Variants in STK32B observed in about 807,000 individuals in gnomAD.
The protein encoded by STK32B is serine/threonine-protein kinase 32B.
A neutral mutation model predicts 52.6 loss-of-function variants in STK32B; 43 were observed. That is an observed-to-expected ratio of 0.82 (90% CI 0.64 to 1.05). The LOEUF is 1.05. Ranked by LOEUF, STK32B falls within the 50% of genes least tolerant of loss-of-function variation. STK32B has a pLI of 0.00. For synonymous variants in STK32B, 238 were observed against 204.3 expected, an observed-to-expected ratio of 1.17 and a Z score of -1.41; for missense variants, 621 against 534.6, an observed-to-expected ratio of 1.16 and a Z score of -1.59.
intron 1 of STK32B, among the ~76,000 whole-genome samples, chr4:5,110,844 A>C (rs1714365998): frequency 1.3e-5 from 2 of 152,300 alleles, no homozygotes; most frequent in East Asian, 3.9e-4. Context: ...AATGGGAGAA[A>C]ATATTTACAA....
At chr4:5,102,170 C>T (rs1713821989) in intron 1 of STK32B, among the ~76,000 whole-genome samples, 1 of 152,216 alleles carries the variant, frequency 6.6e-6, no homozygotes, top group Admixed American at 6.5e-5. Flanking sequence ...TACTTCACAT[C>T]ACCGTGCCTC....
rs1733618954 is a variant in STK32B, at chr4:5,348,563, AC to A, written c.434+17171del. 1.3e-5 allele frequency among the ~76,000 whole-genome samples: 2 copies of A among 152,124 alleles called. 1 individual carries two copies. The highest frequency in any genetic ancestry group is 1.3e-4 in the Admixed American group (2 of 15,274). On this transcript the variant is annotated intron_variant, in intron 4 of 11. Coordinates refer to ENST00000282908, the MANE Select transcript of STK32B (RefSeq NM_018401.3). ...GTGCTGTGAGGACAAATTCCCACCCACTGCTGCAGGGTGCTGTGGGGCTGAA... is the reference window on the plus strand; with the variant it reads ...GTGCTGTGAGGACAAATTCCCACCCATGCTGCAGGGTGCTGTGGGGCTGAA...
At chr4:5,336,055 G>A (rs992386652) in intron 4 of STK32B, among the ~76,000 whole-genome samples, 3 of 150,288 alleles carry the variant, frequency 2.0e-5, no homozygotes, top group African/African-American at 7.4e-5. Flanking sequence ...AGGGTAAAAT[G>A]GAGAGTGCCT....
chr4:5,110,886 A>T (rs1251868458), intron 1 of STK32B, among the ~76,000 whole-genome samples: 2 of 152,140 alleles, frequency 1.3e-5, no homozygotes, highest in Non-Finnish European at 2.9e-5. Context: ...TAATATCCAG[A>T]ATCTATAAGG....
At position 5,460,319 on chromosome 4, in the gene STK32B, C is replaced by CCT. The variant is rs1716936470; in HGVS notation, c.909+94_909+95dup. 1 of 1,512,282 alleles carries CCT rather than the reference C, an allele frequency of 6.6e-7. No homozygotes were observed. The highest frequency in any genetic ancestry group is 1.4e-5 in the African/African-American group (1 of 71,728). The allele number at this position is 1,512,282 out of a possible 1,614,324, so 93.7% of individuals were successfully genotyped here. On this transcript the variant is annotated intron_variant, in intron 9 of 11. Transcript: ENST00000282908. This position sits in a 1 kb window ranked among gnomAD's most constrained non-coding sequence, Gnocchi z 4.8. ...AGACTTTGGCAGCTGGCTAGTGAGC[C>CCT]CTCTGCTGGCCACTTCCACCTGAGC... is the stretch of plus-strand genomic sequence containing the variant.
chr4:5,482,692 T>TTG (rs1718817972), intron 11 of STK32B, among the ~76,000 whole-genome samples: 2 of 152,236 alleles, frequency 1.3e-5, no homozygotes, highest in African/African-American at 4.8e-5. Context: ...CTTCCAGTTT[T>TTG]TCCCTATTCA....
chr4:5,284,053 T>A (rs1462622066), intron 3 of STK32B, among the ~76,000 whole-genome samples: 2 of 152,100 alleles, frequency 1.3e-5, no homozygotes, highest in Non-Finnish European at 2.9e-5. Context: ...GGCGTACAAA[T>A]TACAAAAACA....
intron 4 of STK32B, among the ~76,000 whole-genome samples, chr4:5,339,104 C>T (rs1200262131): frequency 2.0e-5 from 3 of 152,168 alleles, no homozygotes; most frequent in Non-Finnish European, 2.9e-5. Flanking sequence ...GTCATCACTG[C>T]TCCAGGTTTT....
chr4:5,301,983 G>C (rs931839581), intron 3 of STK32B, among the ~76,000 whole-genome samples: 2 of 150,358 alleles, frequency 1.3e-5, no homozygotes, highest in Non-Finnish European at 3.0e-5. Context: ...TATATGTCTT[G>C]TGGTTTTTCC....
intron 3 of STK32B, among the ~76,000 whole-genome samples, chr4:5,316,991 AT>A (rs1201322589): frequency 5.0e-5 from 2 of 40,366 alleles, no homozygotes; most frequent in Non-Finnish European, 7.0e-5. Flanking sequence ...TATAATATAT[AT>A]GATATAATAT....
rs982046576 is a variant in STK32B, at chr4:5,051,798, G to A, written c.-66G>A. The A allele has an allele frequency of 2.8e-5, 43 of 1,550,556 alleles. No homozygotes were observed. The highest frequency in any genetic ancestry group is 3.6e-5 in the Non-Finnish European group (41 of 1,147,296). On this transcript the variant is annotated 5_prime_UTR_variant, in exon 1 of 12. Coordinates refer to ENST00000282908, the MANE Select transcript of STK32B (RefSeq NM_018401.3). Reference sequence around the variant, plus strand: ...CCCCCGGCATCCCGCATCTCTGCGCGCGTCCCACATCCCGCATCCGGCATC... The same window carrying A: ...CCCCCGGCATCCCGCATCTCTGCGCACGTCCCACATCCCGCATCCGGCATC...
At chr4:5,210,480 A>G (rs1722841719) in intron 3 of STK32B, among the ~76,000 whole-genome samples, 2 of 152,090 alleles carry the variant, frequency 1.3e-5, no homozygotes, top group African/African-American at 4.8e-5. Flanking sequence ...TTCCTTGAAG[A>G]CTTTTCTTGT....
intron 3 of STK32B, among the ~76,000 whole-genome samples, chr4:5,193,797 G>C (rs1427630467): frequency 6.6e-6 from 1 of 152,248 alleles, no homozygotes; most frequent in Non-Finnish European, 1.5e-5. Context: ...TGCTGATTCA[G>C]AACACAAGTG....
chr4:5,243,748 G>T (rs572395924), intron 3 of STK32B, among the ~76,000 whole-genome samples: 1 of 152,066 alleles, frequency 6.6e-6, no homozygotes, highest in Non-Finnish European at 1.5e-5. Context: ...TTTGAGATAT[G>T]TCCCATCAAT....
chr4:5,022,618 G>A, the STK32B span, among the ~76,000 whole-genome samples: 1 of 152,200 alleles, frequency 6.6e-6, no homozygotes, highest in African/African-American at 2.4e-5. Context: ...GGTCTCTTCT[G>A]GTTTTCTTAA....
chr4:5,243,438 G>T (rs1725192335), intron 3 of STK32B, among the ~76,000 whole-genome samples: 1 of 152,228 alleles, frequency 6.6e-6, no homozygotes, highest in Admixed American at 6.5e-5. Flanking sequence ...TGTATCCTCA[G>T]ACTTTGCTGA....
chr4:5,410,048 A>G (rs763198949), intron 5 of STK32B, among the ~76,000 whole-genome samples: 11 of 152,132 alleles, frequency 7.2e-5, no homozygotes, highest in Admixed American at 2.6e-4. Context: ...TGTGATCTCC[A>G]TGAAGATAAA....
At chr4:5,324,389 G>A (rs1198484591) in intron 3 of STK32B, among the ~76,000 whole-genome samples, 2 of 152,014 alleles carry the variant, frequency 1.3e-5, no homozygotes, top group African/African-American at 2.4e-5. Flanking sequence ...CACTTAGAAC[G>A]GTGTCTGGCA....
intron 4 of STK32B, among the ~76,000 whole-genome samples, chr4:5,365,924 T>A (rs558923767): frequency 6.6e-6 from 1 of 152,258 alleles, no homozygotes; most frequent in South Asian, 2.1e-4. Flanking sequence ...ATTTAGAGAT[T>A]GTGACTCAGC....
Sources: gnomAD v4.1 joint callset for allele counts (sites outside exome capture counted in the v4.1 genomes callset) on GRCh38, gnomAD v4.1.1 for gene constraint, Gnocchi (gnomAD v3.1) non-coding constraint, MANE v1.5 for transcripts, NCBI Gene and HGNC (gene_info 2026-07-23, HGNC 2026-07-21) for gene names.